Variants in KIF15 observed in about 807,000 individuals in gnomAD.
KIF15 encodes kinesin-like protein KIF15.
Under a neutral mutation model 190.6 loss-of-function variants are expected in KIF15, and 140 were observed. The ratio of observed to expected loss-of-function variants is 0.73; its 90% CI spans 0.64 to 0.84. The LOEUF (loss-of-function observed/expected upper bound fraction) is 0.84. Among genes scored for constraint, KIF15 ranks in the 40% least tolerant of loss-of-function variants. The pLI is 0.00. For synonymous variants in KIF15, 528 were observed against 551.3 expected, an observed-to-expected ratio of 0.96 and a Z score of 0.59; for missense variants, 1,372 against 1,584.4, an observed-to-expected ratio of 0.87 and a Z score of 2.28.
intron 1 of KIF15, among the ~76,000 whole-genome samples, chr3:44,764,648 T>C (rs1705306142): frequency 6.6e-6 from 1 of 152,164 alleles, no homozygotes; most frequent in South Asian, 2.1e-4. Flanking sequence ...TTTTTTTCTT[T>C]TCTTTTTTGA....
At chr3:44,798,468 G>A (rs991359010) in intron 10 of KIF15, among the ~76,000 whole-genome samples, 1 of 151,826 alleles carries the variant, frequency 6.6e-6, no homozygotes, top group Admixed American at 6.6e-5. Flanking sequence ...CCACCACCAC[G>A]CCCGGCTAAT....
At chr3:44,778,034 T>G in intron 3 of KIF15, 81 bp from the exon 4 acceptor site, 1 of 1,111,032 alleles carries the variant, frequency 9.0e-7, no homozygotes, top group East Asian at 2.4e-5. Context: ...TAAGCAATTT[T>G]TGCTGTTACA....
chr3:44,862,442 GGAA>G, intron 6 of KIF15: 1 of 152,998 alleles, frequency 6.5e-6, no homozygotes, highest in East Asian at 1.9e-4. Flanking sequence ...TCGCTCTCGG[GGAA>G]GAACTACACC....
intron 6 of KIF15, chr3:44,865,041 C>T: frequency 6.2e-7 from 1 of 1,613,992 alleles, no homozygotes; most frequent in East Asian, 2.2e-5. Context: ...GTCTCGCAGG[C>T]CTTCCTGGGC....
chr3:44,859,338 C>A lies in KIF15; in HGVS notation c.*59+6544C>A, dbSNP rs1308394666. ...CCTTGAAGGCGAGGTTAATTAGGTCCTGTTGTGGGTTTTGAGGGCTGGAAT... is the reference window on the plus strand; with the variant it reads ...CCTTGAAGGCGAGGTTAATTAGGTCATGTTGTGGGTTTTGAGGGCTGGAAT... On this transcript the variant is annotated intron_variant and NMD_transcript_variant, in intron 6 of 6. Coordinates refer to the KIF15 transcript ENST00000422209. 2.0e-5 allele frequency among the ~76,000 whole-genome samples: 3 copies of A among 152,238 alleles called. No individual in the cohort carries two copies. The East Asian group carries it at 5.8e-4, about 29-fold the overall frequency.
At chr3:44,773,858 A>G (rs1251905992) in intron 1 of KIF15, among the ~76,000 whole-genome samples, 1 of 152,200 alleles carries the variant, frequency 6.6e-6, no homozygotes, top group Non-Finnish European at 1.5e-5. Flanking sequence ...ACATGGATAC[A>G]TTGAAAGGTG....
chr3:44,785,003 T>C, intron 6 of KIF15, 61 bp downstream of exon 6: 1 of 794,702 alleles, frequency 1.3e-6, no homozygotes. Context: ...AGGTAGCTAC[T>C]GATAATTAGC....
chr3:44,762,169 G>A (rs1705179628), intron 1 of KIF15, among the ~76,000 whole-genome samples: 1 of 152,178 alleles, frequency 6.6e-6, no homozygotes. Context: ...CTTTCCCTTG[G>A]TTCTGCTGTT....
intron 16 of KIF15, among the ~76,000 whole-genome samples, chr3:44,806,737 GTTCTT>G (rs562228999): frequency 3.3e-5 from 5 of 152,144 alleles, no homozygotes; most frequent in East Asian, 1.9e-4. Context: ...TTGAATTCAA[GTTCTT>G]TTCTTTTCTT....
intron 6 of KIF15, among the ~76,000 whole-genome samples, chr3:44,868,245 G>A (rs910729570): frequency 5.3e-5 from 8 of 152,164 alleles, no homozygotes; most frequent in Admixed American, 3.3e-4. Flanking sequence ...TTTTCACCTA[G>A]CATAGTGTTT....
Position 44,852,689 on chromosome 3 carries a change from G to C in KIF15, c.4121G>C (p.Arg1374Pro). Residue 1374 changes from arginine to proline, a missense_variant, in exon 35 of 35, where the codon CGT (arginine) becomes CCT (proline). Transcript: ENST00000326047. ...ATTACTTAGGAGACAGAAAAGTTGC[G>C]TGCCGAAAATGTATTTTTAAAAGAA... is the stretch of plus-strand genomic sequence containing the variant. The part of the protein sequence containing the change: ...VRLAEETEKL[R>P]AENVFLKEKK... The C allele has an allele frequency of 6.3e-7, 1 of 1,595,844 alleles. No homozygotes were observed. The highest frequency in any genetic ancestry group is 1.4e-5 in the African/African-American group (1 of 73,712).
At chr3:44,841,829 C>G (rs909699198) in intron 29 of KIF15, among the ~76,000 whole-genome samples, 2 of 152,194 alleles carry the variant, frequency 1.3e-5, no homozygotes, top group Non-Finnish European at 2.9e-5. Context: ...ACTTTGCTGT[C>G]CCTGGAGGCT....
intron 4 of KIF15, 96 bp downstream of exon 4, chr3:44,778,287 A>G (rs1705993095): frequency 1.1e-6 from 1 of 938,088 alleles, no homozygotes; most frequent in Non-Finnish European, 1.8e-6. Context: ...GGCTTAAAAC[A>G]ACACAAATGT....
intron 7 of KIF15, among the ~76,000 whole-genome samples, chr3:44,792,251 G>T (rs976552160): frequency 6.6e-6 from 1 of 151,666 alleles, no homozygotes; most frequent in African/African-American, 2.4e-5. Flanking sequence ...CCAAGGTGGT[G>T]GATCACTTGA....
At chr3:44,839,543 A>T (rs1232946678) in intron 27 of KIF15, among the ~76,000 whole-genome samples, 1 of 152,222 alleles carries the variant, frequency 6.6e-6, no homozygotes, top group Admixed American at 6.5e-5. Flanking sequence ...TCCATATGCC[A>T]TGGGAAGAAA....
intron 5 of KIF15, among the ~76,000 whole-genome samples, chr3:44,782,608 G>A (rs1205276308): frequency 6.6e-6 from 1 of 152,168 alleles, no homozygotes; most frequent in East Asian, 1.9e-4. Context: ...TATGCCAAAG[G>A]TAATAAGTGC....
chr3:44,783,626 TTATC>T (rs1706270350), intron 5 of KIF15, among the ~76,000 whole-genome samples: 1 of 152,160 alleles, frequency 6.6e-6, no homozygotes, highest in Non-Finnish European at 1.5e-5. Flanking sequence ...TGATGTAAAA[TTATC>T]TACATGTTCT....
chr3:44,817,875 C>T (rs1341541463), intron 20 of KIF15, among the ~76,000 whole-genome samples: 2 of 152,198 alleles, frequency 1.3e-5, no homozygotes, highest in African/African-American at 4.8e-5. Flanking sequence ...TACCCATGAG[C>T]ATGGAATGTT....
intron 1 of KIF15, among the ~76,000 whole-genome samples, chr3:44,766,452 A>G (rs981239606): frequency 1.3e-5 from 2 of 152,252 alleles, no homozygotes; most frequent in South Asian, 4.1e-4. Flanking sequence ...TTGCAAGATG[A>G]GGGCTGTGTG....
Sources: allele counts gnomAD v4.1 joint callset (sites outside exome capture counted in the v4.1 genomes callset), GRCh38; gene constraint gnomAD v4.1.1; transcripts MANE v1.5; gene names NCBI Gene and HGNC (gene_info 2026-07-23, HGNC 2026-07-21).